Variants in TPT1 observed in about 807,000 individuals in gnomAD.
TPT1 encodes translationally-controlled tumor protein.
TPT1 carries 5 observed loss-of-function variants against 22.8 expected under a neutral mutation model. The observed-to-expected ratio is 0.22, with a 90% confidence interval of 0.11 to 0.46. The LOEUF (loss-of-function observed/expected upper bound fraction) is 0.46. Ranked by LOEUF, TPT1 falls within the 20% of genes least tolerant of loss-of-function variation. The pLI, the probability that TPT1 is intolerant of heterozygous loss-of-function variation, is 0.99. For missense variants in TPT1, 130 were observed against 218.7 expected (o/e 0.59, Z 2.56); for synonymous variants, 89 against 73.6 (o/e 1.21, Z -1.07).
At chr13:45,340,489 C>T (rs1159565546) in intron 2 of TPT1, 3 of 748,428 alleles carry the variant, frequency 4.0e-6, no homozygotes, top group African/African-American at 1.7e-5. Context: ...AAGCCGGAAG[C>T]ATCATGTCCC....
At chr13:45,340,275 T>C (rs1879002447) in intron 2 of TPT1, 91 bp from the exon 3 acceptor site, 10 of 1,447,950 alleles carry the variant, frequency 6.9e-6, no homozygotes, top group Non-Finnish European at 8.5e-6. Context: ...GAAGTATTCT[T>C]AGTTCTTGCT....
rs1392528539 is a variant in TPT1 at position 45,336,455 on chromosome 13, T to C, written c.*931A>G. ...TCTGTCAAATAGATGCATTTTCTTA[T>C]TCAGACACCCCATCTTTTCAGATAC... On this transcript the variant is annotated 3_prime_UTR_variant, in exon 6 of 6. Transcript: ENST00000530705. 6.6e-6 allele frequency: 1 copy of C among 152,218 alleles called. No homozygotes were observed. The highest frequency in any genetic ancestry group is 6.5e-5 in the Admixed American group (1 of 15,276). The allele number at this position is 152,218 out of a possible 1,614,324, so 9.4% of individuals were successfully genotyped here.
At chr13:45,337,896 T>C (rs934800915) in intron 5 of TPT1, among the ~76,000 whole-genome samples, 5 of 152,196 alleles carry the variant, frequency 3.3e-5, no homozygotes, top group Non-Finnish European at 7.3e-5. Flanking sequence ...CACCAAGTTA[T>C]TTATTATTAG....
intron 5 of TPT1, among the ~76,000 whole-genome samples, chr13:45,337,828 C>G (rs537974554): frequency 3.3e-5 from 5 of 152,192 alleles, no homozygotes; most frequent in Non-Finnish European, 5.9e-5. Context: ...CCTATGAAAA[C>G]TAGGATAATG....
At position 45,334,600 on chromosome 13, in the gene TPT1, G is replaced by A. The variant is rs1289364285; in HGVS notation, c.*2786C>T. ...CCATCCTCACCCACCAGCATATCCT[G>A]TTGTCTCTATCTTCATTTCCTACCA... is the stretch of plus-strand genomic sequence containing the variant. On this transcript the variant is annotated 3_prime_UTR_variant, in exon 6 of 6. Transcript: ENST00000530705. The A allele has an allele frequency of 1.3e-5, 2 of 152,148 alleles. No individual in the cohort carries two copies. Among genetic ancestry groups the A allele is most frequent in the East Asian group, 3.8e-4 (2 of 5,202 alleles). 9.4% of individuals were successfully genotyped at this position (152,148 alleles called of 1,614,324 possible).
chr13:45,333,706 T>G lies in TPT1; in HGVS notation c.*3680A>C, dbSNP rs1878509441. On this transcript the variant is annotated 3_prime_UTR_variant, in exon 6 of 6. Coordinates refer to ENST00000530705, the MANE Select transcript of TPT1 (RefSeq NM_003295.4). ...CACACATAATAAAAAACCATGTACC[T>G]GTATTGTATTTCATGCCTGCGACTG... is the stretch of plus-strand genomic sequence containing the variant. The G allele has an allele frequency of 6.6e-6, 1 of 152,224 alleles. No homozygotes were observed. Among genetic ancestry groups the G allele is most frequent in the South Asian group, 2.1e-4 (1 of 4,834 alleles). The allele number at this position is 152,224 out of a possible 1,614,324, so 9.4% of individuals were successfully genotyped here. A position where few individuals can be genotyped will look rare whatever the true frequency, so the allele number is the denominator to read the frequency against.
Position 45,341,165 on chromosome 13 carries a change from G to C in TPT1, c.-96C>G, listed in dbSNP as rs781129399. On this transcript the variant is annotated 5_prime_UTR_variant, in exon 1 of 6. Coordinates refer to ENST00000530705, the MANE Select transcript of TPT1 (RefSeq NM_003295.4). The stretch of plus-strand genomic sequence containing the variant: ...CAGCCGGAGCGGCGCTCGGGGGGAG[G>C]GGGGAGCGGGCGGAAAAGGCCGACT... The C allele has an allele frequency of 1.9e-5, 30 of 1,548,426 alleles. No homozygotes were observed. The highest frequency in any genetic ancestry group is 1.2e-4 in the African/African-American group (9 of 73,068).
rs765809515 is a variant in TPT1 at position 45,335,805 on chromosome 13, GGTTT to G, written c.*1577_*1580del. 12 of 152,166 alleles carry G rather than the reference GGTTT, an allele frequency of 7.9e-5. No individual in the cohort carries two copies. Among genetic ancestry groups the G allele is most frequent in the Non-Finnish European group, 1.5e-4 (10 of 68,082 alleles). The allele number at this position is 152,166 out of a possible 1,614,324, so 9.4% of individuals were successfully genotyped here. ...CTATTAAGTTCCCAATACGTATTTA[GGTTT>G]GTTTCCAATCACGGGGTGCTGGGGG... On this transcript the variant is annotated 3_prime_UTR_variant, in exon 6 of 6. Transcript: ENST00000530705.
chr13:45,337,540 C>A, intron 5 of TPT1, 152 bp from the exon 6 acceptor site: 1 of 1,612,554 alleles, frequency 6.2e-7, no homozygotes, highest in Non-Finnish European at 8.5e-7. Flanking sequence ...GCAGGGATTT[C>A]TTTCTTTTGC....
rs544191597 is a variant in TPT1 at position 45,336,837 on chromosome 13, C to T, written c.*549G>A. The T allele has an allele frequency of 6.5e-6, 1 of 153,832 alleles. No homozygotes were observed. The highest frequency in any genetic ancestry group is 1.4e-5 in the Non-Finnish European group (1 of 69,332). The allele number at this position is 153,832 out of a possible 1,614,324, so 9.5% of individuals were successfully genotyped here. On this transcript the variant is annotated 3_prime_UTR_variant, in exon 6 of 6. Coordinates refer to ENST00000530705, the MANE Select transcript of TPT1 (RefSeq NM_003295.4). ...AACATTCATCCCAAAAGACTTCGCTCTCTTTATGTGAAATAAGCTGAGACA... is the reference window on the plus strand; with the variant it reads ...AACATTCATCCCAAAAGACTTCGCTTTCTTTATGTGAAATAAGCTGAGACA...
chr13:45,337,488 T>TCCAGG, intron 5 of TPT1, 100 bp from the exon 6 acceptor site: 1 of 1,614,120 alleles, frequency 6.2e-7, no homozygotes, highest in Non-Finnish European at 8.5e-7. Flanking sequence ...AAAGATGTAT[T>TCCAGG]CCCCAATTCA....
At chr13:45,337,852 C>T (rs976444959) in intron 5 of TPT1, among the ~76,000 whole-genome samples, 1 of 152,182 alleles carries the variant, frequency 6.6e-6, no homozygotes, top group African/African-American at 2.4e-5. Context: ...GCCTTTGTTT[C>T]TGTACAGCTT....
chr13:45,334,822 G>A lies in TPT1; in HGVS notation c.*2564C>T, dbSNP rs1878570865. The A allele has an allele frequency of 6.6e-6, 1 of 152,148 alleles. No individual in the cohort carries two copies. Among genetic ancestry groups the A allele is most frequent in the African/African-American group, 2.4e-5 (1 of 41,436 alleles). 9.4% of individuals were successfully genotyped at this position (152,148 alleles called of 1,614,324 possible). ...TCTTCCTTCCTTGCACACTCCCACT[G>A]CTTTACAACCCTTCCTGTCTTCTTG... On this transcript the variant is annotated 3_prime_UTR_variant, in exon 6 of 6. Coordinates refer to ENST00000530705, the MANE Select transcript of TPT1 (RefSeq NM_003295.4).
rs1878896326 is a variant in TPT1 at position 45,338,933 on chromosome 13, A to C, written c.400-157T>G. On this transcript the variant is annotated intron_variant, in intron 4 of 5. Transcript: ENST00000530705. ...GCTCACTTATCATAGACATCTGTTC[A>C]CTGGATTAAGGCACCTTAATAGTGA... 4.8e-5 allele frequency: 28 copies of C among 588,140 alleles called. No individual in the cohort carries two copies. The South Asian group carries it at 6.9e-4, about 15-fold the overall frequency. The allele number at this position is 588,140 out of a possible 1,614,324, so 36.4% of individuals were successfully genotyped here. A position where few individuals can be genotyped will look rare whatever the true frequency, so the allele number is the denominator to read the frequency against.
chr13:45,337,189 CATTTT>C lies in TPT1; in HGVS notation c.*192_*196del. The stretch of plus-strand genomic sequence containing the variant: ...GCATTCTCTCAAATGAGTTTAAATG[CATTTT>C]ATTTTTAGACAACCTACATGACATG... On this transcript the variant is annotated 3_prime_UTR_variant, in exon 6 of 6. Transcript: ENST00000530705. The C allele has an allele frequency of 3.2e-6, 2 of 621,028 alleles. No individual in the cohort carries two copies. The highest frequency in any genetic ancestry group is 2.9e-6 in the Non-Finnish European group (1 of 349,612). The allele number at this position is 621,028 out of a possible 1,614,324, so 38.5% of individuals were successfully genotyped here. A position where few individuals can be genotyped will look rare whatever the true frequency, so the allele number is the denominator to read the frequency against.
rs1168449317 is a variant in TPT1 at position 45,339,986 on chromosome 13, T to A, written c.293+8A>T. The A allele has an allele frequency of 5.6e-6, 9 of 1,613,594 alleles. No individual in the cohort carries two copies. The highest frequency in any genetic ancestry group is 7.6e-6 in the Non-Finnish European group (9 of 1,179,668). Reference sequence around the variant, plus strand: ...AGACATCAGCTAGGTACTGCCAGTATCACTTACGATTTCATGTAATCTTTG... The same window carrying A: ...AGACATCAGCTAGGTACTGCCAGTAACACTTACGATTTCATGTAATCTTTG... On this transcript the variant is annotated splice_region_variant and intron_variant, in intron 3 of 5. Transcript: ENST00000530705.
In TPT1 at chr13:45,341,169, G is replaced by GA; in HGVS notation, c.-101dup. The stretch of plus-strand genomic sequence containing the variant: ...CGGAGCGGCGCTCGGGGGGAGGGGG[G>GA]AGCGGGCGGAAAAGGCCGACTCAGC... On this transcript the variant is annotated 5_prime_UTR_variant, in exon 1 of 6. Coordinates refer to ENST00000530705, the MANE Select transcript of TPT1 (RefSeq NM_003295.4). The GA allele has an allele frequency of 6.5e-7, 1 of 1,533,384 alleles. No individual in the cohort carries two copies. 95.0% of individuals were successfully genotyped at this position (1,533,384 alleles called of 1,614,324 possible).
chr13:45,340,695 A>G lies in TPT1; in HGVS notation c.102+17T>C. The stretch of plus-strand genomic sequence containing the variant: ...GCTCGGCCCGGACTCCCCCACGCGC[A>G]GGCCCGACCGACTCACCTTCCCCTC... On this transcript the variant is annotated intron_variant, in intron 2 of 5. Coordinates refer to ENST00000530705, the MANE Select transcript of TPT1 (RefSeq NM_003295.4). The G allele has an allele frequency of 6.5e-7, 1 of 1,548,454 alleles. No homozygotes were observed. The highest frequency in any genetic ancestry group is 1.4e-5 in the African/African-American group (1 of 72,736).
At chr13:45,338,805 T>C (rs1444669047) in intron 4 of TPT1, 29 bp from the exon 5 acceptor site, 6 of 1,543,730 alleles carry the variant, frequency 3.9e-6, no homozygotes, top group Middle Eastern at 1.7e-4. Context: ...TACCTAGAAT[T>C]AGACTATTAC....
Sources: gnomAD v4.1 joint callset for allele counts (sites outside exome capture counted in the v4.1 genomes callset) on GRCh38, gnomAD v4.1.1 for gene constraint, MANE v1.5 for transcripts, NCBI Gene and HGNC (gene_info 2026-07-23, HGNC 2026-07-21) for gene names.